SH3GL3: variants seen among roughly 807,000 people sequenced by gnomAD.
The protein encoded by SH3GL3 is endophilin-A3.
Under a neutral mutation model 47.7 loss-of-function variants are expected in SH3GL3, and 33 were observed. The ratio of observed to expected loss-of-function variants is 0.69; its 90% confidence interval spans 0.52 to 0.92. The LOEUF (loss-of-function observed/expected upper bound fraction) is 0.92. Ranked by LOEUF, SH3GL3 falls within the 40% of genes least tolerant of loss-of-function variation. The pLI is 0.00. For synonymous variants in SH3GL3, 155 were observed against 148.8 expected, an observed-to-expected ratio of 1.04 and a Z score of -0.30; for missense variants, 363 against 417.8, an observed-to-expected ratio of 0.87 and a Z score of 1.14.
At chr15:83,575,119 G>A (rs2732157) in intron 5 of SH3GL3, among the ~76,000 whole-genome samples, 129,821 of 152,228 alleles carry the variant, frequency 0.85, 56,095 homozygotes, top group Admixed American at 0.91. Flanking sequence ...AGATGTTTTT[G>A]CAAATTATTT....
chr15:83,561,473 G>T (rs900721614), intron 2 of SH3GL3, among the ~76,000 whole-genome samples: 4 of 151,938 alleles, frequency 2.6e-5, no homozygotes, highest in Non-Finnish European at 5.9e-5. Context: ...AATAAATGTT[G>T]GGAGAAAATG....
intron 1 of SH3GL3, among the ~76,000 whole-genome samples, chr15:83,508,516 T>C (rs1434610481): frequency 1.3e-5 from 2 of 151,886 alleles, no homozygotes; most frequent in Non-Finnish European, 2.9e-5. Context: ...GTGTAAAGAC[T>C]GACACTGAGT....
At chr15:83,489,114 T>C (rs116599387) in intron 1 of SH3GL3, 26 of 152,314 alleles carry the variant, frequency 1.7e-4, no homozygotes, top group African/African-American at 5.1e-4. Context: ...GCCATCTGCT[T>C]TTCAGTTTAT....
At position 83,598,262 on chromosome 15, in the gene SH3GL3, C is replaced by T. The variant is rs560420540; in HGVS notation, c.838+9491C>T. ...CAGGATGAGTGGACTCACCTGGCTG[C>T]TCTTTTCTCAGAAAGCCAGCCAGCT... On this transcript the variant is annotated intron_variant, in intron 8 of 8. Transcript: ENST00000427482. Among the ~76,000 whole-genome samples, 4 of 152,228 alleles carry T rather than the reference C, an allele frequency of 2.6e-5. No individual in the cohort carries two copies. The East Asian group carries it at 7.8e-4, about 30-fold the overall frequency.
intron 1 of SH3GL3, among the ~76,000 whole-genome samples, chr15:83,540,815 C>T (rs900940928): frequency 6.6e-6 from 1 of 152,116 alleles, no homozygotes; most frequent in Non-Finnish European, 1.5e-5. Flanking sequence ...CTCAGTTACT[C>T]TAAAATGTAC....
chr15:83,499,695 A>G lies in SH3GL3; in HGVS notation c.45+52117A>G, dbSNP rs537703465. ...TTAATAGTCAATGAAATGACCACTG[A>G]ATGGTAAATACCGAGAATTGTGCCA... On this transcript the variant is annotated intron_variant, in intron 1 of 8. Transcript: ENST00000427482. 2.0e-4 allele frequency among the ~76,000 whole-genome samples: 31 copies of G among 152,358 alleles called. 1 individual carries two copies. In the South Asian group the frequency reaches 2.9e-3, roughly 14 times the overall value.
rs371747611 is a variant in SH3GL3, at chr15:83,618,317, C to T, written c.*30C>T. ...GTAACACAAACTCTGGACATACTTT[C>T]GTAACTGAAATGAATTCACACCAGT... On this transcript the variant is annotated 3_prime_UTR_variant, in exon 9 of 9. Coordinates refer to ENST00000427482, the MANE Select transcript of SH3GL3 (RefSeq NM_003027.5). The T allele has an allele frequency of 3.5e-5, 49 of 1,399,824 alleles. No individual in the cohort carries two copies. The highest frequency in any genetic ancestry group is 1.8e-4 in the Middle Eastern group (1 of 5,642). 86.7% of individuals were successfully genotyped at this position (1,399,824 alleles called of 1,614,324 possible). A position where few individuals can be genotyped will look rare whatever the true frequency, so the allele number is the denominator to read the frequency against.
In SH3GL3 at chr15:83,579,575, G is replaced by A. The variant is rs551742014; in HGVS notation, c.624+2834G>A. Among the ~76,000 whole-genome samples the A allele has an allele frequency of 9.9e-5, 15 of 152,260 alleles. No homozygotes were observed. The South Asian group carries it at 1.7e-3, about 17-fold the overall frequency. On this transcript the variant is annotated intron_variant, in intron 6 of 8. Transcript: ENST00000427482. ...GTGTGCTCTGGCTGCTGCTTCTTGCGGTAATGGTGGTGATCGTGATAATGA... is the reference window on the plus strand; with the variant it reads ...GTGTGCTCTGGCTGCTGCTTCTTGCAGTAATGGTGGTGATCGTGATAATGA...
intron 2 of SH3GL3, among the ~76,000 whole-genome samples, chr15:83,560,891 A>G (rs1345355781): frequency 6.6e-6 from 1 of 152,210 alleles, no homozygotes; most frequent in Non-Finnish European, 1.5e-5. Flanking sequence ...TAAATTAAAA[A>G]AGCTTTTTAA....
intron 1 of SH3GL3, among the ~76,000 whole-genome samples, chr15:83,450,746 A>T: frequency 8.3e-6 from 1 of 120,732 alleles, no homozygotes; most frequent in Non-Finnish European, 1.7e-5. Context: ...CTTTATTAAA[A>T]TGGGATATTT....
the SH3GL3 span, among the ~76,000 whole-genome samples, chr15:83,628,499 T>C: frequency 6.6e-6 from 1 of 152,144 alleles, no homozygotes; most frequent in African/African-American, 2.4e-5. Context: ...TCCCAGCATT[T>C]TGGGAGGCCA....
At chr15:83,451,423 CA>C (rs1399528334) in intron 1 of SH3GL3, among the ~76,000 whole-genome samples, 1 of 20 alleles carries the variant, frequency 0.05, no homozygotes, top group African/African-American at 0.12. Context: ...GTCCCACCAA[CA>C]GTGTAAAAGT....
chr15:83,493,064 G>A (rs1367608341), intron 1 of SH3GL3, among the ~76,000 whole-genome samples: 1 of 152,140 alleles, frequency 6.6e-6, no homozygotes, highest in East Asian at 1.9e-4. Context: ...ATCATAGATG[G>A]GATATTAGAT....
At chr15:83,592,015 G>A (rs941582916) in intron 8 of SH3GL3, among the ~76,000 whole-genome samples, 15 of 152,110 alleles carry the variant, frequency 9.9e-5, no homozygotes, top group African/African-American at 3.4e-4. Context: ...AAGCTTTTTC[G>A]TGAGAAATGG....
At chr15:83,616,548 A>G (rs1002814797) in intron 8 of SH3GL3, among the ~76,000 whole-genome samples, 3 of 152,122 alleles carry the variant, frequency 2.0e-5, no homozygotes, top group Non-Finnish European at 4.4e-5. Context: ...GGCCACTGTG[A>G]TTGCTTTTGC....
At chr15:83,506,862 A>G (rs1388303360) in intron 1 of SH3GL3, among the ~76,000 whole-genome samples, 1 of 152,136 alleles carries the variant, frequency 6.6e-6, no homozygotes, top group Non-Finnish European at 1.5e-5. Flanking sequence ...AAGGCTCCCA[A>G]GGAGTGGCTG....
chr15:83,624,894 T>C, the SH3GL3 span, among the ~76,000 whole-genome samples: 1 of 152,164 alleles, frequency 6.6e-6, no homozygotes, highest in Admixed American at 6.5e-5. Context: ...AGGCCCGAAG[T>C]GTTCCTTTTA....
At chr15:83,501,854 G>A (rs531054780) in intron 1 of SH3GL3, among the ~76,000 whole-genome samples, 2 of 152,088 alleles carry the variant, frequency 1.3e-5, no homozygotes, top group African/African-American at 4.8e-5. Flanking sequence ...TCATGCCACC[G>A]CACTCCAGCC....
At chr15:83,579,478 T>A (rs929664375) in intron 6 of SH3GL3, among the ~76,000 whole-genome samples, 2 of 152,216 alleles carry the variant, frequency 1.3e-5, no homozygotes, top group Non-Finnish European at 2.9e-5. Flanking sequence ...CCGCCCAGGC[T>A]GCCCGGGAAC....
Sources: gnomAD v4.1 joint callset for allele counts (sites outside exome capture counted in the v4.1 genomes callset) on GRCh38, gnomAD v4.1.1 for gene constraint, MANE v1.5 for transcripts, NCBI Gene and HGNC (gene_info 2026-07-23, HGNC 2026-07-21) for gene names.